The following DLG5 variants were observed in gnomAD, a reference collection of about 807,000 sequenced individuals.
The protein encoded by DLG5 is discs large MAGUK scaffold protein 5, also known as disks large homolog 5.
In DLG5, 48 loss-of-function variants were observed where a neutral mutation model predicts 189.8. The ratio of observed to expected loss-of-function variants is 0.25; its 90% CI spans 0.20 to 0.32. The LOEUF is 0.32. Among genes scored for constraint, DLG5 ranks in the 10% least tolerant of loss-of-function variants. The pLI, the probability that DLG5 is intolerant of heterozygous loss-of-function variation, is 1.00. For missense variants in DLG5, 2,160 were observed against 2,544.7 expected (o/e 0.85, Z 3.25); for synonymous variants, 1,016 against 1,054.1 (o/e 0.96, Z 0.70).
At chr10:77,901,764 A>G (rs1300432685) in intron 1 of DLG5, among the ~76,000 whole-genome samples, 1 of 152,202 alleles carries the variant, frequency 6.6e-6, no homozygotes, top group African/African-American at 2.4e-5. Flanking sequence ...CTGAGCCAAC[A>G]GCACCCGGCT....
At chr10:77,931,204 C>T (rs1333707262), upstream of DLG5, among the ~76,000 whole-genome samples, 1 of 152,120 alleles carries the variant, frequency 6.6e-6, no homozygotes, top group African/African-American at 2.4e-5. Context: ...AGATCCACCT[C>T]TTGGGCCTCC....
At chr10:77,820,141 T>A in intron 15 of DLG5, 123 bp from the exon 16 acceptor site, 1 of 1,343,634 alleles carries the variant, frequency 7.4e-7, no homozygotes. Context: ...AGGTCAGGAG[T>A]TCAAGACCAC....
At chr10:77,819,848 C>T (rs1842246308) in intron 16 of DLG5, 47 bp downstream of exon 16, 10 of 1,507,834 alleles carry the variant, frequency 6.6e-6, no homozygotes, top group African/African-American at 4.2e-5. Flanking sequence ...CTAGGCATCC[C>T]GAGTTTACAC....
chr10:77,816,077 G>A, intron 20 of DLG5: 1 of 462,176 alleles, frequency 2.2e-6, no homozygotes, highest in South Asian at 1.5e-5. Flanking sequence ...AGCTTCGAAT[G>A]AGAGGGAAAA....
intron 8 of DLG5, 107 bp downstream of exon 8, chr10:77,835,631 C>G (rs1459785481): frequency 8.0e-7 from 1 of 1,242,502 alleles, no homozygotes; most frequent in African/African-American, 1.5e-5. Context: ...GTCCCTCCCA[C>G]TTTACCTGGA....
chr10:77,849,093 C>T (rs1481628721), intron 5 of DLG5, among the ~76,000 whole-genome samples: 3 of 152,214 alleles, frequency 2.0e-5, no homozygotes, highest in African/African-American at 7.2e-5. Flanking sequence ...CAGCAAAACA[C>T]ACATATGGAC....
At chr10:77,887,308 A>G (rs1326644594) in intron 1 of DLG5, among the ~76,000 whole-genome samples, 2 of 152,138 alleles carry the variant, frequency 1.3e-5, no homozygotes, top group African/African-American at 4.8e-5. Flanking sequence ...CTGAGTCCTC[A>G]GTCCTCTCTG....
chr10:77,922,835 T>TC (rs1191603768), intron 1 of DLG5, among the ~76,000 whole-genome samples: 1 of 152,198 alleles, frequency 6.6e-6, no homozygotes, highest in African/African-American at 2.4e-5. Flanking sequence ...ACAGTGTGTC[T>TC]CCTAGTCACT....
intron 7 of DLG5, 81 bp from the exon 8 acceptor site, chr10:77,836,003 A>G: frequency 6.9e-7 from 1 of 1,451,706 alleles, no homozygotes; most frequent in South Asian, 1.3e-5. Context: ...TGCGGGGGCC[A>G]AGGCTGAGGC....
At chr10:77,880,908 C>T (rs1295898219) in intron 1 of DLG5, among the ~76,000 whole-genome samples, 2 of 146,774 alleles carry the variant, frequency 1.4e-5, no homozygotes, top group African/African-American at 5.0e-5. Flanking sequence ...GGCCACAAAG[C>T]TAGTAAGCAG....
Position 77,833,975 on chromosome 10 carries a change from G to T in DLG5, c.1687C>A (p.Arg563Ser). 1 of 1,607,780 alleles carries T rather than the reference G, an allele frequency of 6.2e-7. No homozygotes were observed. The highest frequency in any genetic ancestry group is 8.5e-7 in the Non-Finnish European group (1 of 1,179,956). The change falls in exon 9 of 32, where the codon CGC becomes AGC. Residue 563 changes from arginine (R) to serine (S), a missense_variant. This residue lies in a region of DLG5 where 664 missense variants were observed against 838.5 expected (regional missense o/e 0.79). Transcript: ENST00000372391. ...RAVSELAEAL[R>S]SLDDTRKQKN... is the part of the protein sequence containing the mutation. ...TGCTTGCGGGTGTCATCCAGGCTGCGCAGGGCCTCAGCCAGCTCGCTCACC... is the reference window on the plus strand; with the variant it reads ...TGCTTGCGGGTGTCATCCAGGCTGCTCAGGGCCTCAGCCAGCTCGCTCACC...
chr10:77,886,921 G>A (rs766082771), intron 1 of DLG5, among the ~76,000 whole-genome samples: 62 of 152,266 alleles, frequency 4.1e-4, no homozygotes, highest in Admixed American at 1.4e-3. Flanking sequence ...GCTAAGGAAA[G>A]AAGCTTCAGA....
rs192742278 is a variant in DLG5 at position 77,892,172 on chromosome 10, A to C, written c.305-22975T>G. ...TGCCCCAGCTAATGGAATCGCACCC[A>C]GTCCTGGCTCTGATCGCAGTAGCAC... On this transcript the variant is annotated intron_variant, in intron 1 of 31. Coordinates refer to ENST00000372391, the MANE Select transcript of DLG5 (RefSeq NM_004747.4). Among the ~76,000 whole-genome samples the C allele has an allele frequency of 1.5e-3, 230 of 152,326 alleles. 2 individuals carry two copies. The highest frequency in any genetic ancestry group is 5.4e-3 in the African/African-American group (225 of 41,576).
intron 9 of DLG5, among the ~76,000 whole-genome samples, chr10:77,831,320 A>G (rs1460988874): frequency 6.6e-6 from 1 of 152,168 alleles, no homozygotes; most frequent in African/African-American, 2.4e-5. Context: ...AATTACTTGA[A>G]TCAGGGAGGC....
intron 9 of DLG5, among the ~76,000 whole-genome samples, chr10:77,833,313 G>C (rs74587044): frequency 0.036 from 5,490 of 150,482 alleles, 319 homozygotes; most frequent in African/African-American, 0.13. Context: ...AACACAAGCA[G>C]AACAGACTGC....
intron 2 of DLG5, among the ~76,000 whole-genome samples, chr10:77,860,839 G>A (rs1328768202): frequency 6.6e-6 from 1 of 152,034 alleles, no homozygotes; most frequent in Non-Finnish European, 1.5e-5. Flanking sequence ...GTACTTATCT[G>A]GCACTCCAAA....
intron 2 of DLG5, among the ~76,000 whole-genome samples, chr10:77,862,892 T>G (rs1203480881): frequency 4.6e-5 from 7 of 152,062 alleles, no homozygotes; most frequent in African/African-American, 1.4e-4. Context: ...AGAAAAGAGA[T>G]GAGTGGCTGC....
intron 29 of DLG5, among the ~76,000 whole-genome samples, 158 bp downstream of exon 29, chr10:77,795,902 AG>A (rs1840894159): frequency 6.6e-6 from 1 of 152,196 alleles, no homozygotes; most frequent in African/African-American, 2.4e-5. Context: ...AGCAGCCATG[AG>A]GGCAAGCCCA....
At chr10:77,839,104 G>A (rs1843294395) in intron 7 of DLG5, among the ~76,000 whole-genome samples, 1 of 152,240 alleles carries the variant, frequency 6.6e-6, no homozygotes, top group South Asian at 2.1e-4. Context: ...CAGGCCTGGA[G>A]GTCTCATTGC....
Sources: gnomAD v4.1 joint callset for allele counts (sites outside exome capture counted in the v4.1 genomes callset) on GRCh38, gnomAD v4.1.1 for gene constraint, gnomAD v4.1.1 regional missense constraint, MANE v1.5 for transcripts, NCBI Gene and HGNC (gene_info 2026-07-23, HGNC 2026-07-21) for gene names.